The following TICRR variants were observed in gnomAD, a reference collection of about 807,000 sequenced individuals.
TICRR encodes TOPBP1 interacting checkpoint and replication regulator.
In TICRR, 132 loss-of-function variants were observed where a neutral mutation model predicts 178.1. That is an observed-to-expected ratio of 0.74 (90% CI 0.64 to 0.86). The LOEUF is 0.86. Among genes scored for constraint, TICRR ranks in the 40% least tolerant of loss-of-function variants. The pLI, the probability that TICRR is intolerant of heterozygous loss-of-function variation, is 0.00. For missense variants in TICRR, 2,587 were observed against 2,334.3 expected (o/e 1.11, Z -2.23); for synonymous variants, 991 against 900.7 (o/e 1.10, Z -1.79).
At chr15:89,616,575 C>G in intron 16 of TICRR, 80 bp downstream of exon 16, 1 of 1,102,040 alleles carries the variant, frequency 9.1e-7, no homozygotes, top group South Asian at 1.3e-5. Context: ...CTTCGCTTCT[C>G]TTGACCTTCA....
At chr15:89,619,568 GA>G in intron 17 of TICRR, 139 bp from the exon 18 acceptor site, 1 of 834,730 alleles carries the variant, frequency 1.2e-6, no homozygotes, top group Non-Finnish European at 1.9e-6. Context: ...AGACACTTCA[GA>G]AGTCTCTTAA....
intron 13 of TICRR, among the ~76,000 whole-genome samples, chr15:89,604,679 G>A (rs1246066482): frequency 1.3e-5 from 2 of 151,534 alleles, no homozygotes; most frequent in African/African-American, 4.9e-5. Flanking sequence ...GCTGAGGTAG[G>A]AGGATCGCTT....
At position 89,582,306 on chromosome 15, in the gene TICRR, A is replaced by G. The variant is rs189376677; in HGVS notation, c.655-380A>G. 7.1e-3 allele frequency: 1,092 copies of G among 152,790 alleles called. 2 individuals are homozygous for G. Among genetic ancestry groups the G allele is most frequent in the Non-Finnish European group, 9.7e-3 (681 of 70,412 alleles). 9.5% of individuals were successfully genotyped at this position (152,790 alleles called of 1,614,324 possible). ...GCCACTGCCCTCCAGCCTGGGTGAC[A>G]GATCAAGACTCTGACTCAAAAAAAA... On this transcript the variant is annotated intron_variant, in intron 1 of 21. Coordinates refer to ENST00000268138, the MANE Select transcript of TICRR (RefSeq NM_152259.4).
chr15:89,621,604 A>G (rs1482101633), intron 19 of TICRR, 54 bp downstream of exon 19: 50 of 1,471,116 alleles, frequency 3.4e-5, no homozygotes, highest in African/African-American at 4.2e-5. Flanking sequence ...ACACAGAGAC[A>G]TGGCCAAGGA....
At chr15:89,582,594 G>C (rs966377936) in intron 1 of TICRR, 92 bp from the exon 2 acceptor site, 2 of 1,139,714 alleles carry the variant, frequency 1.8e-6, no homozygotes, top group East Asian at 4.7e-5. Flanking sequence ...CTTTAATATT[G>C]GTATCAACTT....
intron 15 of TICRR, among the ~76,000 whole-genome samples, chr15:89,612,238 T>G (rs1963266551): frequency 6.6e-6 from 1 of 152,204 alleles, no homozygotes; most frequent in Non-Finnish European, 1.5e-5. Context: ...TTTCTGTCTA[T>G]TATCTCTGTG....
intron 15 of TICRR, among the ~76,000 whole-genome samples, chr15:89,612,866 C>A (rs1278457797): frequency 6.6e-6 from 1 of 152,080 alleles, no homozygotes; most frequent in African/African-American, 2.4e-5. Flanking sequence ...ACTGACTATC[C>A]CTTCTTAGTT....
chr15:89,609,011 G>A lies in TICRR; in HGVS notation c.2869+62G>A, dbSNP rs1394745327. ...GAGATTCTGTAAGATTAGTAGTAATGTACCGTCTTTCTTTCCTGATTTAGT... is the reference window on the plus strand; with the variant it reads ...GAGATTCTGTAAGATTAGTAGTAATATACCGTCTTTCTTTCCTGATTTAGT... On this transcript the variant is annotated intron_variant, in intron 15 of 21. Transcript: ENST00000268138. The A allele has an allele frequency of 8.6e-6, 12 of 1,393,662 alleles. No individual in the cohort carries two copies. The South Asian group carries it at 1.2e-4, about 13-fold the overall frequency. The allele number at this position is 1,393,662 out of a possible 1,614,324, so 86.3% of individuals were successfully genotyped here. A position where few individuals can be genotyped will look rare whatever the true frequency, so the allele number is the denominator to read the frequency against.
chr15:89,613,734 C>CT (rs34162195), intron 15 of TICRR, among the ~76,000 whole-genome samples: 879 of 61,468 alleles, frequency 0.014, 37 homozygotes, highest in African/African-American at 0.056. Flanking sequence ...TTTCTATTCG[C>CT]TTTTTTTTTT....
rs1295751550 is a variant in TICRR, at chr15:89,587,878, G to A, written c.1411+1936G>A. ...AACAGTGGCTAGAGAGGGAAGAAGAGTCAAGGTTTTTGGTTTTGATTTTTA... is the reference window on the plus strand; with the variant it reads ...AACAGTGGCTAGAGAGGGAAGAAGAATCAAGGTTTTTGGTTTTGATTTTTA... On this transcript the variant is annotated intron_variant, in intron 4 of 21. Transcript: ENST00000268138. Among the ~76,000 whole-genome samples the A allele has an allele frequency of 5.3e-5, 8 of 152,234 alleles. 1 individual carries two copies. The East Asian group carries it at 5.8e-4, about 11-fold the overall frequency.
chr15:89,576,535 C>T (rs146675136), intron 1 of TICRR, among the ~76,000 whole-genome samples: 335 of 152,166 alleles, frequency 2.2e-3, no homozygotes, highest in African/African-American at 7.6e-3. Flanking sequence ...ATCAACAGGT[C>T]TGGACTGCTT....
chr15:89,620,925 T>C (rs1384574791), intron 18 of TICRR, among the ~76,000 whole-genome samples: 2 of 151,208 alleles, frequency 1.3e-5, no homozygotes, highest in Non-Finnish European at 2.9e-5. Context: ...GGTTTCACTG[T>C]GTTAGCCAGG....
intron 13 of TICRR, among the ~76,000 whole-genome samples, chr15:89,605,227 C>T (rs2141968250): frequency 6.6e-6 from 1 of 152,336 alleles, no homozygotes; most frequent in East Asian, 1.9e-4. Context: ...AGTGGAAAAG[C>T]AGCTACAGGC....
rs201486846 is a variant in TICRR at position 89,624,544 on chromosome 15, G to A, written c.4234G>A (p.Asp1412Asn). ...CGCTACTCCTGGGGTTGGCACAGCT[G>A]ACAGCCCAGCTGCCCCCACAGACTC... Reference protein sequence around the residue: ...ASATPGVGTADSPAAPTDSRD... With the variant: ...ASATPGVGTANSPAAPTDSRD... The change falls in exon 20 of 22, where the codon GAC becomes AAC. Residue 1412 changes from aspartate to asparagine, a missense_variant. By Grantham distance (23) the Asp-to-Asn change is conservative (BLOSUM62 1). Transcript: ENST00000268138. 39 of 1,613,794 alleles carry A rather than the reference G, an allele frequency of 2.4e-5. No individual in the cohort carries two copies. Among genetic ancestry groups the A allele is most frequent in the South Asian group, 1.1e-5 (1 of 91,078 alleles).
intron 1 of TICRR, among the ~76,000 whole-genome samples, chr15:89,576,815 GTGTGTGTATATATATATATATATATATA>G (rs1962625353): frequency 4.7e-5 from 5 of 106,852 alleles, no homozygotes; most frequent in East Asian, 6.7e-4. Flanking sequence ...GTGTGTATGT[GTGTGTGTATATATATATATATATATATA>G]TATATATATA....
chr15:89,618,241 A>G, intron 17 of TICRR, 31 bp downstream of exon 17: 1 of 1,597,578 alleles, frequency 6.3e-7, no homozygotes, highest in Non-Finnish European at 8.6e-7. Flanking sequence ...TTTTTAATGC[A>G]ATCTACCCAG....
At position 89,625,419 on chromosome 15, in the gene TICRR, C is replaced by T. The variant is rs766875741; in HGVS notation, c.5109C>T (p.Gly1703=). The T allele has an allele frequency of 6.8e-6, 11 of 1,613,842 alleles. No homozygotes were observed. The highest frequency in any genetic ancestry group is 2.2e-5 in the East Asian group (1 of 44,856). ...GCGAGSSSGR[G]EVGADLPGSL... ...GCGCCGGCTCCTCTTCCGGGAGGGG[C>T]GAGGTCGGTGCAGACCTTCCTGGGA... The change falls in exon 20 of 22, where the codon GGC becomes GGT. Residue 1703 remains glycine (G), a synonymous_variant. Transcript: ENST00000268138.
At chr15:89,576,850 T>G (rs1176419856) in intron 1 of TICRR, among the ~76,000 whole-genome samples, 5 of 69,178 alleles carry the variant, frequency 7.2e-5, no homozygotes, top group Non-Finnish European at 1.1e-4. Context: ...TATATATATA[T>G]ATATATATAT....
At position 89,575,654 on chromosome 15, in the gene TICRR, TCCGG is replaced by T. The variant is rs1446855522; in HGVS notation, c.70_73del (p.Arg24GlyfsTer10). ...GGCGGCGCCGCCCGCCACAGCCGGG[TCCGG>T]CGGGCCGCCCTGCGCCTCCTCACCT... On this transcript the variant is annotated frameshift_variant, in exon 1 of 22. Coordinates refer to ENST00000268138, the MANE Select transcript of TICRR (RefSeq NM_152259.4). LOFTEE classifies it high-confidence loss of function. 6.4e-7 allele frequency: 1 copy of T among 1,570,758 alleles called. No individual in the cohort carries two copies. Among genetic ancestry groups the T allele is most frequent in the Non-Finnish European group, 8.6e-7 (1 of 1,160,886 alleles).
Sources: gnomAD v4.1 joint callset for allele counts (sites outside exome capture counted in the v4.1 genomes callset) on GRCh38, gnomAD v4.1.1 for gene constraint, MANE v1.5 for transcripts, NCBI Gene and HGNC (gene_info 2026-07-23, HGNC 2026-07-21) for gene names.